The following MAPK14 variants were observed in gnomAD, a reference collection of about 807,000 sequenced individuals.
MAPK14 encodes CSAID-binding protein.
MAPK14 carries 16 observed loss-of-function variants against 49.6 expected under a neutral mutation model. The observed-to-expected ratio is 0.32, with a 90% CI of 0.22 to 0.49. The LOEUF (loss-of-function observed/expected upper bound fraction) is 0.49, where lower values mean the gene tolerates loss of function less well. Among genes scored for constraint, MAPK14 ranks in the 20% least tolerant of loss-of-function variants. The pLI, the probability that MAPK14 is intolerant of heterozygous loss-of-function variation, is 0.99. For synonymous variants in MAPK14, 142 were observed against 158.0 expected (o/e 0.90, Z 0.76); for missense variants, 200 against 441.2 (o/e 0.45, Z 4.90).
chr6:36,123,911 G>A, the MAPK14 span, among the ~76,000 whole-genome samples: 4 of 151,948 alleles, frequency 2.6e-5, no homozygotes, highest in Non-Finnish European at 5.9e-5. Flanking sequence ...CGGATGGTGT[G>A]GGGAGGGAGG....
At chr6:36,093,364 G>A (rs1338233081) in intron 8 of MAPK14, among the ~76,000 whole-genome samples, 1 of 152,118 alleles carries the variant, frequency 6.6e-6, no homozygotes, top group African/African-American at 2.4e-5. Context: ...AGGTTGGGGT[G>A]AAGTTCAGGT....
At chr6:36,060,019 CTG>C (rs1363670614) in intron 3 of MAPK14, among the ~76,000 whole-genome samples, 3 of 152,190 alleles carry the variant, frequency 2.0e-5, no homozygotes, top group Admixed American at 6.5e-5. Context: ...GTAACCACCT[CTG>C]TTGTTTTAGC....
intron 8 of MAPK14, among the ~76,000 whole-genome samples, chr6:36,086,722 G>C (rs143229777): frequency 1.3e-5 from 2 of 152,308 alleles, no homozygotes; most frequent in Non-Finnish European, 2.9e-5. Context: ...GTACAAAGAA[G>C]AGCTGGTACC....
chr6:36,092,181 T>TA (rs1765260829), intron 8 of MAPK14: 4 of 529,006 alleles, frequency 7.6e-6, no homozygotes, highest in African/African-American at 1.9e-5. Flanking sequence ...GCTTGGGCCT[T>TA]ACATTTTCTG....
chr6:36,062,713 A>G (rs1391008277), intron 3 of MAPK14, among the ~76,000 whole-genome samples: 2 of 140,124 alleles, frequency 1.4e-5, no homozygotes, highest in Admixed American at 7.9e-5. Flanking sequence ...GCTGGAGTGC[A>G]GTGGCACGAT....
chr6:36,041,874 A>C (rs1285009690), intron 1 of MAPK14, among the ~76,000 whole-genome samples: 1 of 152,202 alleles, frequency 6.6e-6, no homozygotes, highest in East Asian at 1.9e-4. Context: ...TAGACCTAAA[A>C]TATTAATAAA....
At chr6:36,124,172 C>CTTCCTTCCTTCCTTCCTTCCTTCT in the MAPK14 span, among the ~76,000 whole-genome samples, 3 of 135,066 alleles carry the variant, frequency 2.2e-5, no homozygotes, top group East Asian at 7.6e-4. Flanking sequence ...TCCTTCCTTC[C>CTTCCTTCCTTCCTTCCTTCCTTCT]TTCCTGCCTT....
chr6:36,061,534 T>G (rs1293228091), intron 3 of MAPK14, among the ~76,000 whole-genome samples: 1 of 152,230 alleles, frequency 6.6e-6, no homozygotes, highest in Non-Finnish European at 1.5e-5. Flanking sequence ...TTCTTTCTAT[T>G]TAACTCTAGC....
At chr6:36,104,561 G>A (rs1765743682) in intron 10 of MAPK14, among the ~76,000 whole-genome samples, 1 of 151,980 alleles carries the variant, frequency 6.6e-6, no homozygotes, top group Non-Finnish European at 1.5e-5. Context: ...CTAATTTTTT[G>A]TATCTTTAGT....
chr6:36,096,026 C>T lies in MAPK14; in HGVS notation c.722C>T (p.Thr241Ile). 6.2e-7 allele frequency: 1 copy of T among 1,613,264 alleles called. No individual in the cohort carries two copies. Among genetic ancestry groups the T allele is most frequent in the African/African-American group, 1.3e-5 (1 of 74,948 alleles). Reference sequence around the variant, plus strand: ...AAGCTCATTTTAAGACTCGTTGGAACCCCAGGGGCTGAGCTTTTGAAGAAA... The same window carrying T: ...AAGCTCATTTTAAGACTCGTTGGAATCCCAGGGGCTGAGCTTTTGAAGAAA... ...QLKLILRLVG[T>I]PGAELLKKIS... The change falls in exon 9 of 12, where the codon ACC becomes ATC. Residue 241 changes from threonine (T) to isoleucine (I), a missense_variant. By Grantham distance (89) the Thr-to-Ile change is moderately conservative. Transcript: ENST00000229794.
intron 3 of MAPK14, among the ~76,000 whole-genome samples, chr6:36,066,649 A>G (rs1764070560): frequency 6.6e-6 from 1 of 152,172 alleles, no homozygotes; most frequent in South Asian, 2.1e-4. Context: ...GTGTACAGAA[A>G]AGAGATTTGT....
intron 8 of MAPK14, among the ~76,000 whole-genome samples, chr6:36,084,485 C>T (rs1581814176): frequency 6.6e-6 from 1 of 152,076 alleles, no homozygotes; most frequent in African/African-American, 2.4e-5. Flanking sequence ...CCAGAATAAC[C>T]AGTTTAGAAA....
At chr6:36,089,366 G>A (rs185118053) in intron 8 of MAPK14, among the ~76,000 whole-genome samples, 15 of 152,242 alleles carry the variant, frequency 9.9e-5, no homozygotes, top group African/African-American at 1.2e-4. Context: ...AACAACACAC[G>A]CTGGGGCCTG....
intron 1 of MAPK14, among the ~76,000 whole-genome samples, chr6:36,031,906 C>T (rs1762558290): frequency 6.6e-6 from 1 of 151,916 alleles, no homozygotes. Flanking sequence ...TTGAACTGGA[C>T]CTGAAGTCTA....
the MAPK14 span, among the ~76,000 whole-genome samples, chr6:36,122,332 A>G: frequency 6.6e-6 from 1 of 152,244 alleles, no homozygotes; most frequent in African/African-American, 2.4e-5. Context: ...GAGTCCAGGC[A>G]GGACCTGACT....
chr6:36,092,353 A>G (rs1382304054), intron 8 of MAPK14: 3 of 643,498 alleles, frequency 4.7e-6, no homozygotes, highest in African/African-American at 1.8e-5. Flanking sequence ...ACCATCTTCT[A>G]TGAGTTCCCT....
At chr6:36,096,874 C>G (rs1456663895) in intron 9 of MAPK14, 1 of 152,222 alleles carries the variant, frequency 6.6e-6, no homozygotes. Context: ...TTTTCTTGGG[C>G]CAGAGGCATG....
intron 10 of MAPK14, among the ~76,000 whole-genome samples, chr6:36,106,844 G>T (rs1236514806): frequency 1.3e-5 from 2 of 151,644 alleles, no homozygotes; most frequent in Admixed American, 6.6e-5. Context: ...AAAACCCCCA[G>T]TTTATTCACT....
At chr6:36,123,267 G>C in the MAPK14 span, among the ~76,000 whole-genome samples, 2 of 152,156 alleles carry the variant, frequency 1.3e-5, no homozygotes, top group Admixed American at 1.3e-4. Context: ...CAAGAGAAGA[G>C]GCCTCAGATT....
Sources: gnomAD v4.1 joint callset for allele counts (sites outside exome capture counted in the v4.1 genomes callset) on GRCh38, gnomAD v4.1.1 for gene constraint, MANE v1.5 for transcripts, NCBI Gene and HGNC (gene_info 2026-07-23, HGNC 2026-07-21) for gene names.